Variants in ZNF410 observed in about 807,000 individuals in gnomAD.
ZNF410 encodes zinc finger protein 410.
Under a neutral mutation model 54.8 loss-of-function variants are expected in ZNF410, and 18 were observed. The observed-to-expected ratio is 0.33, with a 90% CI of 0.23 to 0.49. ZNF410 has a LOEUF of 0.49. Among genes scored for constraint, ZNF410 ranks in the 20% least tolerant of loss-of-function variants. The probability of loss-of-function intolerance (pLI) is 0.99; values close to 1 mark genes in which losing one functional copy is unlikely to be tolerated. For synonymous variants in ZNF410, 191 were observed against 207.3 expected (o/e 0.92, Z 0.68); for missense variants, 405 against 569.6 (o/e 0.71, Z 2.94).
chr14:73,923,308 T>TA, intron 10 of ZNF410, 87 bp from the exon 11 acceptor site: 1 of 1,447,094 alleles, frequency 6.9e-7, no homozygotes. Flanking sequence ...AATAGAGTTT[T>TA]AGAGTTGTTA....
intron 3 of ZNF410, among the ~76,000 whole-genome samples, chr14:73,894,999 C>CA (rs967144718): frequency 4.6e-5 from 7 of 151,678 alleles, no homozygotes; most frequent in Admixed American, 2.6e-4. Flanking sequence ...CTCGTCTCTA[C>CA]AAAAAATTAA....
chr14:73,910,581 T>C (rs2055560685), intron 8 of ZNF410, among the ~76,000 whole-genome samples: 1 of 151,952 alleles, frequency 6.6e-6, no homozygotes, highest in East Asian at 1.9e-4. Context: ...CTGCTGAGAT[T>C]AGCCTACTAA....
At chr14:73,888,733 C>G (rs958557466) in intron 1 of ZNF410, among the ~76,000 whole-genome samples, 3 of 152,192 alleles carry the variant, frequency 2.0e-5, no homozygotes, top group African/African-American at 7.2e-5. Flanking sequence ...TTTGCCGTTA[C>G]ACCTATAGCT....
chr14:73,896,753 G>A (rs2055323887), intron 4 of ZNF410, among the ~76,000 whole-genome samples: 1 of 152,134 alleles, frequency 6.6e-6, no homozygotes, highest in Non-Finnish European at 1.5e-5. Context: ...CATTTACTGA[G>A]ATCGCACAGG....
intron 8 of ZNF410, among the ~76,000 whole-genome samples, chr14:73,910,621 C>T (rs556058190): frequency 2.6e-5 from 4 of 152,046 alleles, no homozygotes; most frequent in Non-Finnish European, 5.9e-5. Context: ...GGCATGGTGG[C>T]ACATGCCTGT....
At chr14:73,909,304 C>G (rs756066951) in intron 7 of ZNF410, 37 bp from the exon 8 acceptor site, 2 of 1,564,744 alleles carry the variant, frequency 1.3e-6, no homozygotes, top group Non-Finnish European at 1.8e-6. Context: ...ATCAGTTCAT[C>G]AGAAGACTGA....
intron 11 of ZNF410, among the ~76,000 whole-genome samples, chr14:73,926,089 TTTG>T (rs772617188): frequency 5.3e-5 from 8 of 152,120 alleles, no homozygotes; most frequent in Non-Finnish European, 1.0e-4. Flanking sequence ...CTTTCCTCCT[TTTG>T]TTGTTGTTGC....
intron 4 of ZNF410, among the ~76,000 whole-genome samples, chr14:73,897,581 T>C (rs1305413727): frequency 6.6e-6 from 1 of 152,088 alleles, no homozygotes; most frequent in African/African-American, 2.4e-5. Flanking sequence ...GGCAAGGTAA[T>C]GACAAGCCTG....
chr14:73,913,622 A>G (rs1226413333), intron 8 of ZNF410: 1 of 152,234 alleles, frequency 6.6e-6, no homozygotes, highest in Admixed American at 6.5e-5. Context: ...GTCCGCTTAC[A>G]AAAACCCCAC....
In ZNF410 at chr14:73,932,053, T is replaced by A. The variant is rs914038161; in HGVS notation, c.*512T>A. Reference sequence around the variant, plus strand: ...CCCTTTAGCAACCTGAGTAAGAGACTCTCTGCCACTGGGCTGCAAAAAAAT... The same window carrying A: ...CCCTTTAGCAACCTGAGTAAGAGACACTCTGCCACTGGGCTGCAAAAAAAT... On this transcript the variant is annotated 3_prime_UTR_variant, in exon 12 of 12. Coordinates refer to ENST00000555044, the MANE Select transcript of ZNF410 (RefSeq NM_021188.3). 3.5e-5 allele frequency: 16 copies of A among 455,854 alleles called. No individual in the cohort carries two copies. The highest frequency in any genetic ancestry group is 5.7e-5 in the Non-Finnish European group (13 of 226,420). The allele number at this position is 455,854 out of a possible 1,614,324, so 28.2% of individuals were successfully genotyped here.
At chr14:73,910,753 CA>C (rs755623044) in intron 8 of ZNF410, among the ~76,000 whole-genome samples, 29,084 of 70,786 alleles carry the variant, frequency 0.41, 3,689 homozygotes, top group Non-Finnish European at 0.46. Flanking sequence ...AACTCCGTCT[CA>C]AAAAAAAAAA....
intron 11 of ZNF410, 112 bp downstream of exon 11, chr14:73,923,634 A>C (rs1433632194): frequency 1.4e-6 from 2 of 1,389,974 alleles, no homozygotes; most frequent in African/African-American, 2.9e-5. Flanking sequence ...CTTTGGCACG[A>C]ATATTTTCCT....
At position 73,909,368 on chromosome 14, in the gene ZNF410, A is replaced by G. The variant is rs374962205; in HGVS notation, c.941A>G (p.Gln314Arg). The G allele has an allele frequency of 6.2e-7, 1 of 1,614,094 alleles. No homozygotes were observed. The highest frequency in any genetic ancestry group is 1.3e-5 in the African/African-American group (1 of 75,040). ...TGEKPFLCEA[Q>R]GCGRSFAEYS... ...GAGAAACCTTTCCTTTGTGAAGCCC[A>G]AGGATGTGGCCGTTCCTTTGCTGAG... Residue 314 changes from glutamine (Q) to arginine (R), a missense_variant, in exon 8 of 12, where the codon CAA (glutamine) becomes CGA (arginine). Gln to Arg is a conservative substitution (Grantham distance 43). This residue lies in a region of ZNF410 where 31 missense variants were observed against 85.5 expected (regional missense o/e 0.36). Transcript: ENST00000555044.
chr14:73,905,966 C>CATACAT (rs1197338487), intron 7 of ZNF410, among the ~76,000 whole-genome samples: 2 of 66,624 alleles, frequency 3.0e-5, no homozygotes, highest in African/African-American at 1.2e-4. Flanking sequence ...CACACACACA[C>CATACAT]ACATATATAT....
rs370394463 is a variant in ZNF410 at position 73,896,545 on chromosome 14, C to CT, written c.388+19dup. ...ACCTAACAAGAGCAGGTATTCTTTCCTTTTTTTTGGGCTCTGCTTATGCCT... is the reference window on the plus strand; with the variant it reads ...ACCTAACAAGAGCAGGTATTCTTTCCTTTTTTTTTGGGCTCTGCTTATGCCT... On this transcript the variant is annotated intron_variant, in intron 4 of 11. Transcript: ENST00000555044. 21 of 1,609,490 alleles carry CT rather than the reference C, an allele frequency of 1.3e-5. No homozygotes were observed. Among genetic ancestry groups the CT allele is most frequent in the African/African-American group, 5.4e-5 (4 of 74,514 alleles).
chr14:73,909,253 A>G, intron 7 of ZNF410, 88 bp from the exon 8 acceptor site: 1 of 1,109,928 alleles, frequency 9.0e-7, no homozygotes, highest in Non-Finnish European at 1.3e-6. Flanking sequence ...GTAAGTCATT[A>G]GACTCTGAAT....
chr14:73,889,913 C>G (rs1015041435), intron 1 of ZNF410, among the ~76,000 whole-genome samples: 2 of 151,356 alleles, frequency 1.3e-5, no homozygotes, highest in African/African-American at 4.9e-5. Flanking sequence ...TCCCCTACCT[C>G]AGCCTCCTGA....
At chr14:73,915,162 T>C (rs1328191807) in intron 8 of ZNF410, among the ~76,000 whole-genome samples, 1 of 149,204 alleles carries the variant, frequency 6.7e-6, no homozygotes, top group Non-Finnish European at 1.5e-5. Context: ...TTCAGGTGGC[T>C]GAGGCATGAG....
chr14:73,922,833 A>C (rs961626332), intron 10 of ZNF410: 3 of 152,322 alleles, frequency 2.0e-5, no homozygotes, highest in Non-Finnish European at 4.4e-5. Flanking sequence ...CATTGAGTAC[A>C]TAAAAGATAG....
Sources: gnomAD v4.1 joint callset for allele counts (sites outside exome capture counted in the v4.1 genomes callset) on GRCh38, gnomAD v4.1.1 for gene constraint, gnomAD v4.1.1 regional missense constraint, MANE v1.5 for transcripts, NCBI Gene and HGNC (gene_info 2026-07-23, HGNC 2026-07-21) for gene names.